SYNE1: variants seen among roughly 807,000 people sequenced by gnomAD.
SYNE1 encodes nesprin-1.
SYNE1 carries 616 observed loss-of-function variants against 1,111.0 expected under a neutral mutation model. The ratio of observed to expected loss-of-function variants is 0.55; its 90% CI spans 0.52 to 0.59. SYNE1 has a LOEUF of 0.59. SYNE1 is among the 20% of genes least tolerant of loss of function. The pLI, the probability that SYNE1 is intolerant of heterozygous loss-of-function variation, is 0.00. For synonymous variants in SYNE1, 3,855 were observed against 3,825.8 expected, an observed-to-expected ratio of 1.01 and a Z score of -0.28; for missense variants, 10,006 against 10,417.0, an observed-to-expected ratio of 0.96 and a Z score of 1.72.
In SYNE1 at chr6:152,141,436, T is replaced by C. The variant is rs939741546; in HGVS notation, c.25120-107A>G. On this transcript the variant is annotated intron_variant, in intron 138 of 145. Transcript: ENST00000367255. ...TCTCAGCAAGAGAAGTGTCTGTGTTTGGCTCCTCTGTGCCACCCTGCTAAA... is the reference window on the plus strand; with the variant it reads ...TCTCAGCAAGAGAAGTGTCTGTGTTCGGCTCCTCTGTGCCACCCTGCTAAA... The C allele has an allele frequency of 2.6e-5, 39 of 1,491,870 alleles. No homozygotes were observed. In the East Asian group the frequency reaches 7.7e-4, roughly 30 times the overall value. 92.4% of individuals were successfully genotyped at this position (1,491,870 alleles called of 1,614,324 possible).
At chr6:152,285,867 T>A (rs1373304650) in intron 95 of SYNE1, among the ~76,000 whole-genome samples, 1 of 152,204 alleles carries the variant, frequency 6.6e-6, no homozygotes, top group Non-Finnish European at 1.5e-5. Flanking sequence ...AGATGGAATC[T>A]TCACAGGAGA....
intron 130 of SYNE1, among the ~76,000 whole-genome samples, chr6:152,173,883 AAT>A (rs966545204): frequency 7.9e-5 from 12 of 152,366 alleles, no homozygotes; most frequent in African/African-American, 2.9e-4. Flanking sequence ...CAAGTTTATT[AAT>A]ATGTCTTTTG....
chr6:152,463,885 T>A (rs2098749060), intron 18 of SYNE1, among the ~76,000 whole-genome samples: 1 of 152,152 alleles, frequency 6.6e-6, no homozygotes, highest in Non-Finnish European at 1.5e-5. Flanking sequence ...GCATAATACA[T>A]TAGGGAAATA....
At chr6:152,506,740 A>T (rs1426508679) in intron 8 of SYNE1, among the ~76,000 whole-genome samples, 1 of 152,048 alleles carries the variant, frequency 6.6e-6, no homozygotes, top group African/African-American at 2.4e-5. Flanking sequence ...AAAATACAAA[A>T]AATCAATAAG....
At chr6:152,514,943 C>G (rs1383741387) in intron 6 of SYNE1, among the ~76,000 whole-genome samples, 3 of 152,128 alleles carry the variant, frequency 2.0e-5, no homozygotes, top group African/African-American at 7.2e-5. Flanking sequence ...TATTTGAGAC[C>G]AGGCGTGGTG....
intron 104 of SYNE1, among the ~76,000 whole-genome samples, chr6:152,253,476 G>A (rs1426453992): frequency 6.6e-6 from 1 of 152,126 alleles, no homozygotes; most frequent in Non-Finnish European, 1.5e-5. Flanking sequence ...TTTGACAGTT[G>A]AGGATACCAA....
At position 152,390,322 on chromosome 6, in the gene SYNE1, T is replaced by TA; in HGVS notation, c.8134_8135insT (p.Glu2712ValfsTer5). On this transcript the variant is annotated frameshift_variant, in exon 53 of 146. Transcript: ENST00000367255. LOFTEE classifies it high-confidence loss of function. ...GGAGCTCATGATGTCAGCCCACACT[T>TA]CTTTAAGGGTCTCTAACTGAGTCTG... The TA allele has an allele frequency of 6.2e-7, 1 of 1,614,116 alleles. No individual in the cohort carries two copies. The highest frequency in any genetic ancestry group is 8.5e-7 in the Non-Finnish European group (1 of 1,180,006).
intron 133 of SYNE1, among the ~76,000 whole-genome samples, chr6:152,153,765 T>C (rs1358642311): frequency 1.3e-5 from 2 of 152,242 alleles, no homozygotes; most frequent in Non-Finnish European, 2.9e-5. Context: ...TATTTTAATT[T>C]AGTGGTATAG....
rs377643935 is a variant in SYNE1 at position 152,567,215 on chromosome 6, G to A, written c.68-27194C>T. 7.2e-4 allele frequency among the ~76,000 whole-genome samples: 109 copies of A among 152,106 alleles called. 1 individual carries two copies. In the South Asian group the frequency reaches 0.019, roughly 27 times the overall value. On this transcript the variant is annotated intron_variant, in intron 3 of 145. Transcript: ENST00000367255. ...AGGTTCATCTATGTTGTCAAAAGTCGCAGGACCTCCTTCTTTTTAAAAGCT... is the reference window on the plus strand; with the variant it reads ...AGGTTCATCTATGTTGTCAAAAGTCACAGGACCTCCTTCTTTTTAAAAGCT...
chr6:152,553,160 G>A (rs1267460889), intron 3 of SYNE1, among the ~76,000 whole-genome samples: 1 of 152,004 alleles, frequency 6.6e-6, no homozygotes, highest in African/African-American at 2.4e-5. Flanking sequence ...AAAGAGACTG[G>A]AGCAAACGAG....
intron 62 of SYNE1, among the ~76,000 whole-genome samples, chr6:152,365,613 C>T (rs1276368255): frequency 3.3e-5 from 5 of 151,744 alleles, no homozygotes; most frequent in Non-Finnish European, 7.4e-5. Flanking sequence ...GCATATGCTG[C>T]CATGGCCAGC....
At chr6:152,449,220 T>C (rs1401703623) in intron 28 of SYNE1, among the ~76,000 whole-genome samples, 2 of 152,216 alleles carry the variant, frequency 1.3e-5, no homozygotes, top group African/African-American at 4.8e-5. Context: ...TACAGTGTTC[T>C]TGTTTTCCAT....
In SYNE1 at chr6:152,417,225, G is replaced by T. The variant is rs548918585; in HGVS notation, c.5422-210C>A. On this transcript the variant is annotated intron_variant, in intron 40 of 145. Transcript: ENST00000367255. ...AATAAAACACAACTCTGGGCCAGGCGCGGTGGCTCACGCCTGTAATCCCAG... is the reference window on the plus strand; with the variant it reads ...AATAAAACACAACTCTGGGCCAGGCTCGGTGGCTCACGCCTGTAATCCCAG... Among the ~76,000 whole-genome samples the T allele has an allele frequency of 2.6e-5, 4 of 152,268 alleles. No individual in the cohort carries two copies. The East Asian group carries it at 7.7e-4, about 29-fold the overall frequency.
rs73782890 is a variant in SYNE1 at position 152,569,242 on chromosome 6, A to G, written c.68-29221T>C. Among the ~76,000 whole-genome samples, 1,351 of 152,304 alleles carry G rather than the reference A, an allele frequency of 8.9e-3. 23 individuals are homozygous for G. The highest frequency in any genetic ancestry group is 0.031 in the African/African-American group (1,304 of 41,572). On this transcript the variant is annotated intron_variant, in intron 3 of 145. Coordinates refer to ENST00000367255, the MANE Select transcript of SYNE1 (RefSeq NM_182961.4). ...CACAATCAAATTTTGGGATCACTGT[A>G]TGGATCATAAGCTGTAGAAAATTTT... is the stretch of plus-strand genomic sequence containing the variant.
rs901508795 is a variant in SYNE1, at chr6:152,323,757, C to A, written c.15658-20G>T. 1.2e-6 allele frequency: 2 copies of A among 1,613,600 alleles called. No homozygotes were observed. Among genetic ancestry groups the A allele is most frequent in the East Asian group, 2.2e-5 (1 of 44,888 alleles). On this transcript the variant is annotated intron_variant, in intron 81 of 145. Transcript: ENST00000367255. The stretch of plus-strand genomic sequence containing the variant: ...TTTAACCTGATGACAAATGTACATA[C>A]TATGAAGTTCAATAATAAATAAACT...
At chr6:152,511,141 G>T in intron 6 of SYNE1, 38 bp from the exon 7 acceptor site, 2 of 1,534,872 alleles carry the variant, frequency 1.3e-6, no homozygotes, top group Non-Finnish European at 1.8e-6. Flanking sequence ...TAATGTACTA[G>T]AATATTATAA....
At chr6:152,443,137 T>C (rs2098547858) in intron 30 of SYNE1, among the ~76,000 whole-genome samples, 1 of 152,210 alleles carries the variant, frequency 6.6e-6, no homozygotes, top group South Asian at 2.1e-4. Context: ...AAAAAGTACC[T>C]GGCCTAAGCA....
intron 107 of SYNE1, among the ~76,000 whole-genome samples, chr6:152,240,317 C>CAAAA (rs2085294300): frequency 6.6e-6 from 1 of 151,822 alleles, no homozygotes; most frequent in Non-Finnish European, 1.5e-5. Context: ...AACAAACAAA[C>CAAAA]AAAAAACATT....
chr6:152,461,266 C>T (rs1010948814), intron 21 of SYNE1, among the ~76,000 whole-genome samples: 1 of 151,922 alleles, frequency 6.6e-6, no homozygotes, highest in Non-Finnish European at 1.5e-5. Context: ...AATTTATGAT[C>T]CCCTCTTCTT....
Sources: gnomAD v4.1 joint callset for allele counts (sites outside exome capture counted in the v4.1 genomes callset) on GRCh38, gnomAD v4.1.1 for gene constraint, MANE v1.5 for transcripts, NCBI Gene and HGNC (gene_info 2026-07-23, HGNC 2026-07-21) for gene names.